Variants in EMP2 observed in about 807,000 individuals in gnomAD.
EMP2 encodes epithelial membrane protein 2.
EMP2 carries 19 observed loss-of-function variants against 13.7 expected under a neutral mutation model. The ratio of observed to expected loss-of-function variants is 1.38; its 90% CI spans 0.97 to 2.03. EMP2 has a LOEUF of 2.03. EMP2 is among the 30% of genes most tolerant of loss of function. EMP2 has a pLI of 0.00. For synonymous variants in EMP2, 97 were observed against 84.7 expected, an observed-to-expected ratio of 1.15 and a Z score of -0.80; for missense variants, 253 against 220.7, an observed-to-expected ratio of 1.15 and a Z score of -0.93.
chr16:10,549,272 T>A (rs1292195726), intron 1 of EMP2, among the ~76,000 whole-genome samples: 3 of 152,172 alleles, frequency 2.0e-5, no homozygotes, highest in Non-Finnish European at 2.9e-5. Context: ...GAACTACAGT[T>A]GTCCAAAGTT....
At chr16:10,543,938 C>T (rs1302330441) in intron 2 of EMP2, among the ~76,000 whole-genome samples, 10 of 152,282 alleles carry the variant, frequency 6.6e-5, no homozygotes, top group East Asian at 5.8e-4. Flanking sequence ...TGGCTCACTG[C>T]AGCCTCCATC....
At chr16:10,566,383 C>T (rs755287768) in intron 1 of EMP2, among the ~76,000 whole-genome samples, 12 of 152,194 alleles carry the variant, frequency 7.9e-5, no homozygotes, top group Non-Finnish European at 1.8e-4. Context: ...AGGCTGTTGC[C>T]TGCCATAGGA....
chr16:10,537,781 C>T (rs1390071049), intron 4 of EMP2, 147 bp downstream of exon 4: 13 of 970,736 alleles, frequency 1.3e-5, no homozygotes, highest in East Asian at 5.1e-5. Context: ...CACACACACA[C>T]GCAAACACAC....
At chr16:10,537,746 C>G (rs991271506) in intron 4 of EMP2, among the ~76,000 whole-genome samples, 182 bp downstream of exon 4, 1 of 149,032 alleles carries the variant, frequency 6.7e-6, no homozygotes, top group Admixed American at 6.7e-5. Context: ...CACTGTGGTA[C>G]AGCATGCATG....
intron 4 of EMP2, among the ~76,000 whole-genome samples, 180 bp from the exon 5 acceptor site, chr16:10,533,272 A>T (rs2050622284): frequency 6.6e-6 from 1 of 152,176 alleles, no homozygotes; most frequent in African/African-American, 2.4e-5. Flanking sequence ...TCCTGAGCTC[A>T]AGCAATCCTC....
At chr16:10,577,205 T>C (rs549413033) in intron 1 of EMP2, among the ~76,000 whole-genome samples, 10 of 152,300 alleles carry the variant, frequency 6.6e-5, no homozygotes, top group African/African-American at 2.4e-4. Context: ...CTAAGGTCCT[T>C]ATGCCCTGAA....
At chr16:10,538,963 G>C (rs2050672450) in intron 3 of EMP2, among the ~76,000 whole-genome samples, 1 of 151,974 alleles carries the variant, frequency 6.6e-6, no homozygotes, top group Non-Finnish European at 1.5e-5. Flanking sequence ...CTACAGGCAT[G>C]TCTGGCTAAT....
chr16:10,552,673 C>A (rs1008905625), intron 1 of EMP2, among the ~76,000 whole-genome samples: 1 of 152,126 alleles, frequency 6.6e-6, no homozygotes, highest in African/African-American at 2.4e-5. Context: ...CCACGTATAG[C>A]AGTGATATAA....
intron 2 of EMP2, chr16:10,546,390 G>A (rs917705275): frequency 3.9e-5 from 6 of 152,192 alleles, no homozygotes; most frequent in Non-Finnish European, 7.3e-5. Context: ...CTCCCTGTTT[G>A]GAGGGATATT....
At chr16:10,562,860 A>C (rs2050882334) in intron 1 of EMP2, among the ~76,000 whole-genome samples, 1 of 152,160 alleles carries the variant, frequency 6.6e-6, no homozygotes, top group African/African-American at 2.4e-5. Context: ...CCTGCCAATG[A>C]CTGCTGCCTG....
In EMP2 at chr16:10,536,447, TAGTG is replaced by T. The variant is rs541044588; in HGVS notation, c.316+1477_316+1480del. 4.4e-4 allele frequency among the ~76,000 whole-genome samples: 67 copies of T among 152,240 alleles called. No individual in the cohort carries two copies. The East Asian group carries it at 8.7e-3, about 20-fold the overall frequency. ...CGGTTCCCCCATACTGTTCTTGTGG[TAGTG>T]AGTAAGTCTCACAAGATATGATGGT... is the stretch of plus-strand genomic sequence containing the variant. On this transcript the variant is annotated intron_variant, in intron 4 of 4. Transcript: ENST00000359543.
intron 1 of EMP2, among the ~76,000 whole-genome samples, chr16:10,548,157 T>A (rs2050754360): frequency 6.6e-6 from 1 of 152,214 alleles, no homozygotes. Flanking sequence ...TGCTGTTGCA[T>A]CCAGACGACA....
At chr16:10,552,285 G>A (rs1416403956) in intron 1 of EMP2, among the ~76,000 whole-genome samples, 3 of 151,970 alleles carry the variant, frequency 2.0e-5, no homozygotes, top group African/African-American at 7.3e-5. Context: ...TTGTCCAGCT[G>A]GGATGACACA....
At position 10,538,356 on chromosome 16, in the gene EMP2, C is replaced by T. The variant is rs2279870; in HGVS notation, c.170-282G>A. Reference sequence around the variant, plus strand: ...CATTCTTCCTGGTCTGGGTCACAGACCCCACATGCTTGGCTCATGGACAGG... The same window carrying T: ...CATTCTTCCTGGTCTGGGTCACAGATCCCACATGCTTGGCTCATGGACAGG... On this transcript the variant is annotated intron_variant, in intron 3 of 4. Transcript: ENST00000359543. Among the ~76,000 whole-genome samples, 67,783 of 151,916 alleles carry T rather than the reference C, an allele frequency of 0.45. 15,674 individuals carry two copies. The highest frequency in any genetic ancestry group is 0.56 in the East Asian group (2,870 of 5,148).
chr16:10,544,973 T>A (rs189870305), intron 2 of EMP2: 1 of 152,320 alleles, frequency 6.6e-6, no homozygotes, highest in Non-Finnish European at 1.5e-5. Context: ...CTGTGTGCTT[T>A]GGTGGCTGCT....
intron 1 of EMP2, among the ~76,000 whole-genome samples, chr16:10,576,994 G>A (rs1050991081): frequency 3.9e-5 from 6 of 152,330 alleles, no homozygotes; most frequent in Middle Eastern, 3.4e-3. Context: ...CAGCACGGGA[G>A]CACGGAAATC....
In EMP2 at chr16:10,532,831, A is replaced by T; in HGVS notation, c.*74T>A. On this transcript the variant is annotated 3_prime_UTR_variant, in exon 5 of 5. Transcript: ENST00000359543. ...ACGTTTGCTAGAAAAACCTCAAAAA[A>T]TAATGATTATATACAAAATGGTTAT... 8.4e-7 allele frequency: 1 copy of T among 1,183,724 alleles called. No homozygotes were observed. The highest frequency in any genetic ancestry group is 1.1e-6 in the Non-Finnish European group (1 of 922,614). The allele number at this position is 1,183,724 out of a possible 1,614,324, so 73.3% of individuals were successfully genotyped here. A position where few individuals can be genotyped will look rare whatever the true frequency, so the allele number is the denominator to read the frequency against.
chr16:10,562,339 T>C (rs1367466857), intron 1 of EMP2, among the ~76,000 whole-genome samples: 1 of 32,568 alleles, frequency 3.1e-5, no homozygotes, highest in Admixed American at 2.6e-4. Context: ...ATGCATGTTC[T>C]CTCTCTCTCT....
At chr16:10,542,436 A>T (rs2050707297) in intron 3 of EMP2, among the ~76,000 whole-genome samples, 1 of 102,776 alleles carries the variant, frequency 9.7e-6, no homozygotes, top group Non-Finnish European at 1.9e-5. Flanking sequence ...CAAAAAACTA[A>T]ACCCTCCCCC....
Sources: gnomAD v4.1 joint callset for allele counts (sites outside exome capture counted in the v4.1 genomes callset) on GRCh38, gnomAD v4.1.1 for gene constraint, MANE v1.5 for transcripts, NCBI Gene and HGNC (gene_info 2026-07-23, HGNC 2026-07-21) for gene names.